GRID2IP: variants seen among roughly 807,000 people sequenced by gnomAD.
The protein encoded by GRID2IP is Grid2 interacting protein.
In GRID2IP, 78 loss-of-function variants were observed where a neutral mutation model predicts 114.3. That is an observed-to-expected ratio of 0.68 (90% CI 0.57 to 0.82). The LOEUF is 0.82. Among genes scored for constraint, GRID2IP ranks in the 40% least tolerant of loss-of-function variants. GRID2IP has a pLI of 0.00. For missense variants in GRID2IP, 1,727 were observed against 1,678.5 expected (o/e 1.03, Z -0.51); for synonymous variants, 809 against 724.0 (o/e 1.12, Z -1.89).
Position 6,520,785 on chromosome 7 carries a change from GGCAT to G in GRID2IP, c.1085-28_1085-25del, listed in dbSNP as rs1562518969. The G allele has an allele frequency of 1.3e-6, 2 of 1,539,904 alleles. No homozygotes were observed. On this transcript the variant is annotated intron_variant, in intron 6 of 21. Transcript: ENST00000457091. The surrounding 1 kb of genome is among the most constrained non-coding windows in gnomAD (Gnocchi z 4.6). ...GTCTGCTGGGACCACAGGCGGGAGA[GGCAT>G]GAGTGACTCAGAGTCCCCAGGCCAG...
rs530460533 is a variant in GRID2IP, at chr7:6,501,576, C to T, written c.3399+205G>A. ...AATTAGCCAGGCATAGCCTGGGTGA[C>T]AGAGTGAGACCCTGCCTCAATCAAT... On this transcript the variant is annotated intron_variant, in intron 20 of 21. Transcript: ENST00000457091. Among the ~76,000 whole-genome samples the T allele has an allele frequency of 2.6e-5, 4 of 152,282 alleles. No homozygotes were observed. In the East Asian group the frequency reaches 7.7e-4, roughly 29 times the overall value.
In GRID2IP at chr7:6,509,687, C is replaced by G. The variant is rs1187429739; in HGVS notation, c.1772-374G>C. On this transcript the variant is annotated intron_variant, in intron 11 of 21. Transcript: ENST00000457091. This position sits in a 1 kb window ranked among gnomAD's most constrained non-coding sequence, Gnocchi z 4.9. ...AGCAAGCCCTGAGATCACAGGAGGG[C>G]CTCCCAGGGCTCCTGCCTTCTGAGC... Among the ~76,000 whole-genome samples the G allele has an allele frequency of 6.6e-6, 1 of 152,200 alleles. No individual in the cohort carries two copies. The highest frequency in any genetic ancestry group is 2.4e-5 in the African/African-American group (1 of 41,442).
In GRID2IP at chr7:6,503,640, C is replaced by T. The variant is rs897170179; in HGVS notation, c.2758G>A (p.Val920Met). Residue 920 changes from valine to methionine, a missense_variant, in exon 16 of 22, where the codon GTG (valine) becomes ATG (methionine). Coordinates refer to ENST00000457091, the MANE Select transcript of GRID2IP (RefSeq NM_001145118.2). ...LKLSPAELRQ[V>M]LMSMEPRRLE... ...CGCCGGGGCTCCATGCTCATCAGCA[C>T]CTGGCGCAGCTCCGCGGGGCTCAGC... 2 of 1,522,680 alleles carry T rather than the reference C, an allele frequency of 1.3e-6. No individual in the cohort carries two copies. Among genetic ancestry groups the T allele is most frequent in the Non-Finnish European group, 1.8e-6 (2 of 1,141,774 alleles). 94.3% of individuals were successfully genotyped at this position (1,522,680 alleles called of 1,614,324 possible).
intron 4 of GRID2IP, among the ~76,000 whole-genome samples, chr7:6,525,432 G>A (rs1264275828): frequency 3.9e-5 from 6 of 152,106 alleles, no homozygotes; most frequent in Non-Finnish European, 7.3e-5. Context: ...GACCAACCTA[G>A]GCAATATGGC....
Position 6,526,784 on chromosome 7 carries a change from G to A in GRID2IP, c.585-15C>T. ...GGATGAAGATCCTGCCGGCGAGGACGGCGGAGTCGGGGCGCGTTCCCGGAC... is the reference window on the plus strand; with the variant it reads ...GGATGAAGATCCTGCCGGCGAGGACAGCGGAGTCGGGGCGCGTTCCCGGAC... On this transcript the variant is annotated splice_polypyrimidine_tract_variant and intron_variant, in intron 2 of 21. Coordinates refer to ENST00000457091, the MANE Select transcript of GRID2IP (RefSeq NM_001145118.2). This position sits in a 1 kb window ranked among gnomAD's most constrained non-coding sequence, Gnocchi z 7.6. 1.3e-6 allele frequency: 2 copies of A among 1,498,058 alleles called. No homozygotes were observed. Among genetic ancestry groups the A allele is most frequent in the African/African-American group, 1.5e-5 (1 of 68,776 alleles). 92.8% of individuals were successfully genotyped at this position (1,498,058 alleles called of 1,614,324 possible). A position where few individuals can be genotyped will look rare whatever the true frequency, so the allele number is the denominator to read the frequency against.
rs1480458673 is a variant in GRID2IP at position 6,507,945 on chromosome 7, T to C, written c.2544+40A>G. On this transcript the variant is annotated intron_variant, in intron 13 of 21. Transcript: ENST00000457091. The surrounding 1 kb of genome is among the most constrained non-coding windows in gnomAD (Gnocchi z 5.3). ...TTCAGTGCTGCTGCCCAAGCCATCC[T>C]CCCCCAGTACAGAGCGCTGCTGGGT... 1 of 1,541,716 alleles carries C rather than the reference T, an allele frequency of 6.5e-7. No homozygotes were observed. Among genetic ancestry groups the C allele is most frequent in the Non-Finnish European group, 8.7e-7 (1 of 1,143,814 alleles).
chr7:6,514,579 G>A (rs1388725614), intron 7 of GRID2IP, 50 bp from the exon 8 acceptor site: 2 of 1,430,820 alleles, frequency 1.4e-6, no homozygotes, highest in Non-Finnish European at 1.8e-6. Context: ...GGCTTACCAT[G>A]ATGCACAGAG....
At chr7:6,545,011 C>T (rs1371766622) in intron 1 of GRID2IP, among the ~76,000 whole-genome samples, 5 of 152,018 alleles carry the variant, frequency 3.3e-5, no homozygotes, top group Non-Finnish European at 7.4e-5. Flanking sequence ...GGTGTGAACC[C>T]GGGAGGCGGA....
intron 21 of GRID2IP, 58 bp from the exon 22 acceptor site, chr7:6,497,903 T>C: frequency 6.8e-7 from 1 of 1,467,200 alleles, no homozygotes; most frequent in African/African-American, 1.4e-5. Context: ...CTGTGACGCC[T>C]TCCCTGTCTC....
chr7:6,505,836 G>A lies in GRID2IP; in HGVS notation c.2616C>T (p.Gly872=), dbSNP rs1269656743. ...GCCACTCACTAGCAGGTTTCTGGGT[G>A]CCGAAGTGGAGCTCCAGGTCGAGGT... ...VKYLDLELHF[G]TQKPAKPVPG... Residue 872 remains glycine (G), a synonymous_variant, in exon 14 of 22, where the codon GGC becomes GGT. Transcript: ENST00000457091. 1 of 1,551,566 alleles carries A rather than the reference G, an allele frequency of 6.4e-7. No homozygotes were observed. Among genetic ancestry groups the A allele is most frequent in the Middle Eastern group, 1.7e-4 (1 of 5,994 alleles).
chr7:6,503,507 T>A lies in GRID2IP; in HGVS notation c.2891A>T (p.Asp964Val). The part of the protein sequence containing the change: ...REAPGRLSEP[D>V]QFVLQMLSVP... Reference sequence around the variant, plus strand: ...TCGCGGCACCTGCAGGACGAACTGGTCCGGCTCGCTGAGGCGGCCGGGCGC... The same window carrying A: ...TCGCGGCACCTGCAGGACGAACTGGACCGGCTCGCTGAGGCGGCCGGGCGC... The change falls in exon 16 of 22, where the codon GAC (aspartate) becomes GTC (valine). Residue 964 changes from aspartate to valine, a missense_variant. By Grantham distance (152) the Asp-to-Val change is radical. Coordinates refer to ENST00000457091, the MANE Select transcript of GRID2IP (RefSeq NM_001145118.2). 2.0e-6 allele frequency: 3 copies of A among 1,525,368 alleles called. No homozygotes were observed. The highest frequency in any genetic ancestry group is 2.6e-6 in the Non-Finnish European group (3 of 1,143,042). 94.5% of individuals were successfully genotyped at this position (1,525,368 alleles called of 1,614,324 possible).
At chr7:6,503,215 G>T in intron 16 of GRID2IP, 52 bp from the exon 17 acceptor site, 2 of 571,852 alleles carry the variant, frequency 3.5e-6, no homozygotes, top group Non-Finnish European at 5.6e-6. Context: ...GGGACCCTCT[G>T]CCCCACCGCA....
chr7:6,546,504 G>A (rs1779890436), intron 1 of GRID2IP, among the ~76,000 whole-genome samples: 1 of 151,164 alleles, frequency 6.6e-6, no homozygotes, highest in Non-Finnish European at 1.5e-5. Context: ...AGGAGGCGGA[G>A]GTTGCAGTGA....
At chr7:6,548,864 A>G (rs1779926216) in intron 1 of GRID2IP, among the ~76,000 whole-genome samples, 1 of 149,066 alleles carries the variant, frequency 6.7e-6, no homozygotes, top group Non-Finnish European at 1.5e-5. Flanking sequence ...AAAAAAGTCT[A>G]TGAGCTTAAG....
Position 6,496,908 on chromosome 7 carries a change from G to A in GRID2IP, c.*866C>T, listed in dbSNP as rs1251046017. On this transcript the variant is annotated 3_prime_UTR_variant, in exon 22 of 22. Transcript: ENST00000457091. ...CAGGTAACTCCTGCTATATGCCTAG[G>A]CACATGTAAAATGACCATTTGGGTC... Among the ~76,000 whole-genome samples the A allele has an allele frequency of 1.3e-5, 2 of 152,026 alleles. No individual in the cohort carries two copies. The highest frequency in any genetic ancestry group is 2.9e-5 in the Non-Finnish European group (2 of 68,002).
chr7:6,548,841 CAAAA>C (rs60120996), intron 1 of GRID2IP, among the ~76,000 whole-genome samples: 7 of 106,046 alleles, frequency 6.6e-5, no homozygotes, highest in Admixed American at 1.9e-4. Context: ...GACTCTGCCT[CAAAA>C]AAAAAAAAAA....
rs1157051813 is a variant in GRID2IP at position 6,509,160 on chromosome 7, T to C, written c.1925A>G (p.Gln642Arg). ...SLDSSRAPSP[Q>R]PGPGPICPDS... ...GGGGCAGATGGGCCCGGGGCCTGGC[T>C]GTGGGGAGGGTGCCCTGCTGCTGTC... The change falls in exon 12 of 22, where the codon CAG becomes CGG. Residue 642 changes from glutamine (Q) to arginine (R), a missense_variant. Transcript: ENST00000457091. This position sits in a 1 kb window ranked among gnomAD's most constrained non-coding sequence, Gnocchi z 4.9. The C allele has an allele frequency of 6.8e-7, 1 of 1,468,938 alleles. No individual in the cohort carries two copies. The highest frequency in any genetic ancestry group is 1.4e-5 in the African/African-American group (1 of 70,706). 91.0% of individuals were successfully genotyped at this position (1,468,938 alleles called of 1,614,324 possible).
rs751559760 is a variant in GRID2IP, at chr7:6,503,605, G to A, written c.2793C>T (p.Pro931=). ...LMSMEPRRLE[P]AHLAQLLLFA... is the part of the protein sequence containing the mutation. The stretch of plus-strand genomic sequence containing the variant: ...AGAGCAGCAGCTGCGCGAGATGTGC[G>A]GGCTCCAGGCGCCGGGGCTCCATGC... The change falls in exon 16 of 22, where the codon CCC becomes CCT. Residue 931 remains proline, a synonymous_variant. Transcript: ENST00000457091. The A allele has an allele frequency of 1.3e-6, 2 of 1,529,250 alleles. No individual in the cohort carries two copies. The highest frequency in any genetic ancestry group is 1.2e-5 in the South Asian group (1 of 83,484). 94.7% of individuals were successfully genotyped at this position (1,529,250 alleles called of 1,614,324 possible).
At chr7:6,514,596 T>TAGACAAGACGGCACTTCCAAGCC in intron 7 of GRID2IP, 67 bp from the exon 8 acceptor site, 5 of 1,360,112 alleles carry the variant, frequency 3.7e-6, no homozygotes, top group Non-Finnish European at 4.8e-6. Context: ...AGAGTGGGGG[T>TAGACAAGACGGCACTTCCAAGCC]AGACAAGACG....
Sources: gnomAD v4.1 joint callset for allele counts (sites outside exome capture counted in the v4.1 genomes callset) on GRCh38, gnomAD v4.1.1 for gene constraint, Gnocchi (gnomAD v3.1) non-coding constraint, MANE v1.5 for transcripts, NCBI Gene and HGNC (gene_info 2026-07-23, HGNC 2026-07-21) for gene names.